The following NCOA2 variants were observed in gnomAD, a reference collection of about 807,000 sequenced individuals.
NCOA2 encodes the protein nuclear receptor coactivator 2, also known as class E basic helix-loop-helix protein 75.
Under a neutral mutation model 145.1 loss-of-function variants are expected in NCOA2, and 21 were observed. The ratio of observed to expected loss-of-function variants is 0.14; its 90% CI spans 0.10 to 0.21. NCOA2 has a LOEUF of 0.21. NCOA2 is among the 10% of genes least tolerant of loss of function. The pLI, the probability that NCOA2 is intolerant of heterozygous loss-of-function variation, is 1.00. For synonymous variants in NCOA2, 619 were observed against 637.5 expected (o/e 0.97, Z 0.44); for missense variants, 1,472 against 1,837.6 (o/e 0.80, Z 3.64).
chr8:70,295,860 G>A (rs1586403550), intron 2 of NCOA2, among the ~76,000 whole-genome samples: 1 of 152,108 alleles, frequency 6.6e-6, no homozygotes, highest in South Asian at 2.1e-4. Flanking sequence ...CAGGAGAATC[G>A]CTTGAACCCA....
intron 5 of NCOA2, among the ~76,000 whole-genome samples, chr8:70,174,204 T>A (rs1370770540): frequency 5.3e-5 from 8 of 152,242 alleles, no homozygotes; most frequent in African/African-American, 1.7e-4. Context: ...AGACATTAGC[T>A]GGTCATAAAG....
intron 14 of NCOA2, 140 bp from the exon 15 acceptor site, chr8:70,138,472 A>C: frequency 1.2e-6 from 1 of 838,634 alleles, no homozygotes; most frequent in Non-Finnish European, 1.7e-6. Context: ...GAATATAAGA[A>C]GATAAAATTC....
At chr8:70,429,609 C>G in the NCOA2 span, among the ~76,000 whole-genome samples, 1 of 152,176 alleles carries the variant, frequency 6.6e-6, no homozygotes, top group Non-Finnish European at 1.5e-5. Context: ...TGTTTGACAT[C>G]TCACTGTCTT....
At chr8:70,253,536 T>G (rs1334688216) in intron 2 of NCOA2, among the ~76,000 whole-genome samples, 1 of 151,974 alleles carries the variant, frequency 6.6e-6, no homozygotes, top group African/African-American at 2.4e-5. Context: ...ACTCTGAACT[T>G]AACCTTAAAA....
At chr8:70,237,284 A>T (rs1213479295) in intron 2 of NCOA2, among the ~76,000 whole-genome samples, 1 of 152,230 alleles carries the variant, frequency 6.6e-6, no homozygotes, top group Non-Finnish European at 1.5e-5. Context: ...TGGCAGAAGC[A>T]GGATTTGAAC....
intron 10 of NCOA2, among the ~76,000 whole-genome samples, chr8:70,159,244 T>TATGTATATATATATATGTATATATA: frequency 4.0e-4 from 28 of 69,272 alleles, no homozygotes; most frequent in African/African-American, 1.5e-3. Flanking sequence ...ATATATATAT[T>TATGTATATATATATATGTATATATA]TTTTTTTTTT....
chr8:70,134,765 TTTTC>T (rs1390745624), intron 15 of NCOA2, among the ~76,000 whole-genome samples: 5 of 152,196 alleles, frequency 3.3e-5, no homozygotes, highest in South Asian at 2.1e-4. Context: ...TGTTACATGC[TTTTC>T]TTTTTTAATT....
intron 4 of NCOA2, among the ~76,000 whole-genome samples, chr8:70,205,343 A>G (rs764561846): frequency 2.0e-5 from 3 of 152,182 alleles, no homozygotes. Context: ...GAAAAAGCAC[A>G]AGTATGTGAA....
intron 1 of NCOA2, among the ~76,000 whole-genome samples, chr8:70,337,392 A>C (rs1050834394): frequency 4.6e-5 from 7 of 152,144 alleles, no homozygotes; most frequent in African/African-American, 1.2e-4. Context: ...TTTCCAAGAG[A>C]GACCTTTCTG....
intron 4 of NCOA2, among the ~76,000 whole-genome samples, chr8:70,186,315 G>A (rs1816066204): frequency 1.3e-5 from 2 of 152,156 alleles, no homozygotes; most frequent in Admixed American, 6.5e-5. Context: ...TCAAATGCTT[G>A]AAACAGCTTA....
chr8:70,247,878 T>C (rs1373651374), intron 2 of NCOA2, among the ~76,000 whole-genome samples: 1 of 152,238 alleles, frequency 6.6e-6, no homozygotes, highest in East Asian at 1.9e-4. Flanking sequence ...AATGTCTTGA[T>C]CCAGATTCTG....
chr8:70,257,543 G>C (rs944411926), intron 2 of NCOA2, among the ~76,000 whole-genome samples: 1 of 152,234 alleles, frequency 6.6e-6, no homozygotes, highest in Non-Finnish European at 1.5e-5. Flanking sequence ...AGGAGGATTA[G>C]AGAAGAGGGC....
chr8:70,111,308 A>T lies in NCOA2; in HGVS notation c.*2324T>A, dbSNP rs573829111. Reference sequence around the variant, plus strand: ...TAGTGAAAAGGGACTTGAAACTCAAAACAAAACAAATCCAGTTTAAACTCC... The same window carrying T: ...TAGTGAAAAGGGACTTGAAACTCAATACAAAACAAATCCAGTTTAAACTCC... On this transcript the variant is annotated 3_prime_UTR_variant, in exon 23 of 23. Transcript: ENST00000452400. The T allele has an allele frequency of 4.4e-6, 1 of 226,428 alleles. No homozygotes were observed. The highest frequency in any genetic ancestry group is 6.4e-5 in the East Asian group (1 of 15,658). 14.0% of individuals were successfully genotyped at this position (226,428 alleles called of 1,614,324 possible).
At chr8:70,235,819 G>A (rs1297088917) in intron 2 of NCOA2, among the ~76,000 whole-genome samples, 2 of 152,112 alleles carry the variant, frequency 1.3e-5, no homozygotes, top group East Asian at 1.9e-4. Context: ...GCTCCAGCCT[G>A]GACAATAGAG....
At chr8:70,115,906 G>A (rs1396750202) in intron 22 of NCOA2, among the ~76,000 whole-genome samples, 2 of 152,102 alleles carry the variant, frequency 1.3e-5, no homozygotes, top group African/African-American at 4.8e-5. Flanking sequence ...GGATGACAGG[G>A]CCAGGCGCAG....
At chr8:70,116,257 A>G (rs1807117745) in intron 22 of NCOA2, among the ~76,000 whole-genome samples, 1 of 150,966 alleles carries the variant, frequency 6.6e-6, no homozygotes, top group Non-Finnish European at 1.5e-5. Flanking sequence ...TACCAATAAC[A>G]ATTCTGGAAA....
chr8:70,267,188 A>G (rs898533358), intron 2 of NCOA2, among the ~76,000 whole-genome samples: 9 of 152,202 alleles, frequency 5.9e-5, no homozygotes, highest in African/African-American at 1.9e-4. Flanking sequence ...ATTAATCTCC[A>G]TAAAATGAGA....
At chr8:70,250,766 T>C (rs1297131508) in intron 2 of NCOA2, among the ~76,000 whole-genome samples, 1 of 152,184 alleles carries the variant, frequency 6.6e-6, no homozygotes, top group Non-Finnish European at 1.5e-5. Flanking sequence ...AAAAATGAGA[T>C]AAGCTCTGAA....
chr8:70,387,361 G>A (rs1367179662), intron 1 of NCOA2, among the ~76,000 whole-genome samples: 1 of 152,172 alleles, frequency 6.6e-6, no homozygotes, highest in African/African-American at 2.4e-5. Context: ...CTAAATGTCT[G>A]TCTAAAATCC....
Sources: allele counts gnomAD v4.1 joint callset (sites outside exome capture counted in the v4.1 genomes callset), GRCh38; gene constraint gnomAD v4.1.1; transcripts MANE v1.5; gene names NCBI Gene and HGNC (gene_info 2026-07-23, HGNC 2026-07-21).